Variants in RTN4 observed in about 807,000 individuals in gnomAD.
The protein encoded by RTN4 is reticulon 4.
In RTN4, 32 loss-of-function variants were observed where a neutral mutation model predicts 90.4. That is an observed-to-expected ratio of 0.35 (90% CI 0.27 to 0.48). The LOEUF (loss-of-function observed/expected upper bound fraction) is 0.48, where lower values mean the gene tolerates loss of function less well. RTN4 is among the 20% of genes least tolerant of loss of function. The pLI is 0.99. For missense variants in RTN4, 1,706 were observed against 1,430.2 expected (o/e 1.19, Z -3.11); for synonymous variants, 629 against 552.5 (o/e 1.14, Z -1.94).
At chr2:55,018,758 A>G (rs1017515412) in intron 3 of RTN4, among the ~76,000 whole-genome samples, 1 of 151,484 alleles carries the variant, frequency 6.6e-6, no homozygotes, top group Admixed American at 6.6e-5. Flanking sequence ...GTATGTGTGT[A>G]TGTTTATTTT....
At chr2:55,085,320 C>T (rs1668817067) in intron 1 of RTN4, among the ~76,000 whole-genome samples, 1 of 143,108 alleles carries the variant, frequency 7.0e-6, no homozygotes, top group Admixed American at 7.1e-5. Flanking sequence ...TACACCCACA[C>T]ACACACACAT....
intron 1 of RTN4, among the ~76,000 whole-genome samples, chr2:55,046,268 T>A (rs1019262173): frequency 6.6e-6 from 1 of 152,180 alleles, no homozygotes; most frequent in African/African-American, 2.4e-5. Context: ...ACAATATAAT[T>A]ATTTAATAAG....
intron 3 of RTN4, among the ~76,000 whole-genome samples, chr2:54,988,773 G>A (rs1013594656): frequency 6.6e-6 from 1 of 152,194 alleles, no homozygotes; most frequent in African/African-American, 2.4e-5. Flanking sequence ...TTAATAGTAA[G>A]GAGTCAGACA....
At chr2:55,113,958 G>C (rs573169078), upstream of RTN4, among the ~76,000 whole-genome samples, 1 of 152,320 alleles carries the variant, frequency 6.6e-6, no homozygotes, top group South Asian at 2.1e-4. Context: ...GGCTGTGAAA[G>C]AAACATCTAT....
intron 3 of RTN4, among the ~76,000 whole-genome samples, chr2:54,990,590 TAAA>T (rs1286165305): frequency 6.6e-6 from 1 of 152,142 alleles, no homozygotes; most frequent in South Asian, 2.1e-4. Flanking sequence ...AGTAAATACA[TAAA>T]GAAGAAAATT....
chr2:55,100,878 A>ATT lies in RTN4; in HGVS notation c.-214+11640_-214+11641dup, dbSNP rs11453320. 1.6e-3 allele frequency among the ~76,000 whole-genome samples: 232 copies of ATT among 146,516 alleles called. 1 individual carries two copies. Among genetic ancestry groups the ATT allele is most frequent in the African/African-American group, 4.4e-3 (175 of 40,000 alleles). On this transcript the variant is annotated intron_variant, in intron 1 of 3. Coordinates refer to the RTN4 transcript ENST00000427710. ...TTTTTCTCTTGACAGCACTCTTAGC[A>ATT]TTTTTTTTTTTTACTCTTACCATTT...
At chr2:55,113,148 C>T (rs1668067692), upstream of RTN4, among the ~76,000 whole-genome samples, 1 of 152,158 alleles carries the variant, frequency 6.6e-6, no homozygotes, top group Admixed American at 6.5e-5. Context: ...ATGTCCTGTG[C>T]TGTTGCTAGA....
chr2:55,049,661 G>A (rs781058986), intron 1 of RTN4, 84 bp downstream of exon 1: 3 of 1,527,490 alleles, frequency 2.0e-6, no homozygotes, highest in African/African-American at 2.8e-5. Flanking sequence ...CGGAGAGGAG[G>A]GACCAGCCCA....
At chr2:55,077,172 C>A (rs1005806715) in intron 2 of RTN4, among the ~76,000 whole-genome samples, 1 of 152,006 alleles carries the variant, frequency 6.6e-6, no homozygotes. Context: ...ACCATCATGC[C>A]CTGCTAATTT....
At chr2:55,097,921 C>T (rs1295904182) in intron 1 of RTN4, among the ~76,000 whole-genome samples, 1 of 152,040 alleles carries the variant, frequency 6.6e-6, no homozygotes, top group Non-Finnish European at 1.5e-5. Context: ...CCAAGAATGA[C>T]ATATGGAAGC....
intron 5 of RTN4, among the ~76,000 whole-genome samples, chr2:54,979,689 G>A (rs1441560513): frequency 1.3e-5 from 2 of 152,204 alleles, no homozygotes; most frequent in African/African-American, 2.4e-5. Context: ...ATCAGAGTGT[G>A]CACCTGAATT....
intron 3 of RTN4, among the ~76,000 whole-genome samples, chr2:54,999,080 T>C (rs1679665724): frequency 6.6e-6 from 1 of 152,208 alleles, no homozygotes; most frequent in African/African-American, 2.4e-5. Context: ...AAAAATAATG[T>C]TCATCAATTT....
chr2:55,063,532 T>A (rs77071321), intron 2 of RTN4, among the ~76,000 whole-genome samples: 1 of 152,112 alleles, frequency 6.6e-6, no homozygotes, highest in African/African-American at 2.4e-5. Flanking sequence ...GTTGACTTTT[T>A]TTTTCAAGCA....
At chr2:55,086,828 TA>T (rs201407964) in intron 1 of RTN4, among the ~76,000 whole-genome samples, 5,160 of 147,384 alleles carry the variant, frequency 0.035, 399 homozygotes, top group African/African-American at 0.12. Context: ...AACTTTAATT[TA>T]TTTTTTTTTT....
Position 55,026,029 on chromosome 2 carries a change from T to C in RTN4, c.2070A>G (p.Thr690=), listed in dbSNP as rs760408803. 3.7e-6 allele frequency: 6 copies of C among 1,611,512 alleles called. No individual in the cohort carries two copies. Among genetic ancestry groups the C allele is most frequent in the Admixed American group, 1.7e-5 (1 of 59,552 alleles). Residue 690 remains threonine (T), a synonymous_variant, in exon 3 of 9, where the codon ACA becomes ACG. Transcript: ENST00000337526. ...PENINAALQE[T]EAPYISIACD... ...ATGCAATAGATATATAAGGAGCTTC[T>C]GTTTCTTGAAGAGCTGCATTAATAT... is the stretch of plus-strand genomic sequence containing the variant.
chr2:55,096,374 A>G (rs1346649461), intron 1 of RTN4, among the ~76,000 whole-genome samples: 1 of 151,650 alleles, frequency 6.6e-6, no homozygotes, highest in Non-Finnish European at 1.5e-5. Context: ...ATCACTGCTG[A>G]TGCTGACCTT....
intron 1 of RTN4, among the ~76,000 whole-genome samples, chr2:55,035,979 T>C (rs1046181798): frequency 4.6e-5 from 7 of 152,100 alleles, no homozygotes; most frequent in Admixed American, 1.3e-4. Context: ...TAGTCCTATG[T>C]GACTATACTT....
In RTN4 at chr2:55,025,818, C is replaced by T. The variant is rs1167683085; in HGVS notation, c.2281G>A (p.Asp761Asn). 1 of 1,613,686 alleles carries T rather than the reference C, an allele frequency of 6.2e-7. No individual in the cohort carries two copies. Among genetic ancestry groups the T allele is most frequent in the East Asian group, 2.2e-5 (1 of 44,856 alleles). ...TCTTTCACAAGCATCACAGTTTCAT[C>T]TTGTTTTTGTGGAACGTCAGGTATT... The part of the protein sequence containing the change: ...DSIPDVPQKQ[D>N]ETVMLVKESL... The change falls in exon 3 of 9, where the codon GAT becomes AAT. Residue 761 changes from aspartate (D) to asparagine (N), a missense_variant. Coordinates refer to ENST00000337526, the MANE Select transcript of RTN4 (RefSeq NM_020532.5).
chr2:54,981,779 TAAGA>T (rs760161669), intron 5 of RTN4, among the ~76,000 whole-genome samples: 1 of 109,372 alleles, frequency 9.1e-6, no homozygotes, highest in African/African-American at 3.7e-5. Flanking sequence ...TTATCTAGAA[TAAGA>T]AAGAGTCCAA....
Sources: gnomAD v4.1 joint callset for allele counts (sites outside exome capture counted in the v4.1 genomes callset) on GRCh38, gnomAD v4.1.1 for gene constraint, MANE v1.5 for transcripts, NCBI Gene and HGNC (gene_info 2026-07-23, HGNC 2026-07-21) for gene names.